The following DAB1 variants were observed in gnomAD, a reference collection of about 807,000 sequenced individuals.
The protein encoded by DAB1 is disabled homolog 1.
DAB1 carries 15 observed loss-of-function variants against 64.6 expected under a neutral mutation model. That is an observed-to-expected ratio of 0.23 (90% CI 0.16 to 0.36). The LOEUF (loss-of-function observed/expected upper bound fraction) is 0.36. Among genes scored for constraint, DAB1 ranks in the 10% least tolerant of loss-of-function variants. DAB1 has a pLI of 1.00. For missense variants in DAB1, 596 were observed against 706.7 expected, an observed-to-expected ratio of 0.84 and a Z score of 1.78; for synonymous variants, 235 against 251.9, an observed-to-expected ratio of 0.93 and a Z score of 0.64.
At chr1:57,838,403 G>C (rs1174588068) in intron 1 of DAB1, among the ~76,000 whole-genome samples, 1 of 151,896 alleles carries the variant, frequency 6.6e-6, no homozygotes, top group Non-Finnish European at 1.5e-5. Context: ...TTCATCTTGA[G>C]TTTTAAAAAA....
chr1:57,849,222 G>C (rs1653417228), intron 1 of DAB1, among the ~76,000 whole-genome samples: 1 of 152,152 alleles, frequency 6.6e-6, no homozygotes, highest in Non-Finnish European at 1.5e-5. Context: ...AGAAGGGCCA[G>C]AGTAGCACTG....
In DAB1 at chr1:57,987,779, T is replaced by A. The variant is rs531761552; in HGVS notation, n.388-103617A>T. Among the ~76,000 whole-genome samples, 22 of 151,860 alleles carry A rather than the reference T, an allele frequency of 1.4e-4. No homozygotes were observed. In the South Asian group the frequency reaches 3.1e-3, roughly 22 times the overall value. On this transcript the variant is annotated intron_variant and non_coding_transcript_variant, in intron 5 of 20. Transcript: ENST00000485760. Reference sequence around the variant, plus strand: ...AAGTTTTAATTTGCTGGTGAAGGAGTTGGGGGAGGGAATGGAGAGTGCTGT... The same window carrying A: ...AAGTTTTAATTTGCTGGTGAAGGAGATGGGGGAGGGAATGGAGAGTGCTGT...
At chr1:58,380,310 T>G (rs1013832721) in intron 3 of DAB1, among the ~76,000 whole-genome samples, 1 of 152,008 alleles carries the variant, frequency 6.6e-6, no homozygotes, top group African/African-American at 2.4e-5. Flanking sequence ...TCCCCAGTGC[T>G]CTCTCTCTCT....
At chr1:58,395,033 C>T (rs902602200) in intron 3 of DAB1, among the ~76,000 whole-genome samples, 4 of 151,752 alleles carry the variant, frequency 2.6e-5, no homozygotes, top group African/African-American at 7.3e-5. Context: ...GGAAAGCCTC[C>T]GACAGTCTAG....
chr1:58,022,446 C>A (rs895905643), intron 5 of DAB1, among the ~76,000 whole-genome samples: 1 of 152,106 alleles, frequency 6.6e-6, no homozygotes, highest in African/African-American at 2.4e-5. Context: ...GCAGAGTAGA[C>A]CTGAGTTTGA....
chr1:57,096,963 T>C lies in DAB1; in HGVS notation c.307-24549A>G, dbSNP rs1654223262. On this transcript the variant is annotated intron_variant, in intron 4 of 14. Coordinates refer to ENST00000371236, the MANE Select transcript of DAB1 (RefSeq NM_001365792.1). ...TGATCACAGCCCTTGCCCCATGGGA[T>C]TGTAATTATGGATTTTTCTTGTCTG... Among the ~76,000 whole-genome samples the C allele has an allele frequency of 2.0e-5, 3 of 152,054 alleles. No homozygotes were observed. In the South Asian group the frequency reaches 6.2e-4, roughly 32 times the overall value.
chr1:57,294,563 C>T (rs1673040433), intron 1 of DAB1, among the ~76,000 whole-genome samples: 1 of 152,006 alleles, frequency 6.6e-6, no homozygotes, highest in South Asian at 2.1e-4. Flanking sequence ...CTTTCTTTCC[C>T]CCTTTTCTCA....
chr1:58,207,985 G>A (rs545334279), intron 4 of DAB1, among the ~76,000 whole-genome samples: 1 of 152,244 alleles, frequency 6.6e-6, no homozygotes, highest in Non-Finnish European at 1.5e-5. Context: ...TGGTGGAAGG[G>A]GAAGTGAACA....
intron 3 of DAB1, among the ~76,000 whole-genome samples, chr1:58,359,682 A>AGATGATAGCAAGGGGTGAGAGT (rs145013673): frequency 0.83 from 124,409 of 150,400 alleles, 52,251 homozygotes; most frequent in East Asian, 1. Flanking sequence ...TGATAGGTAG[A>AGATGATAGCAAGGGGTGAGAGT]GATGATAGCA....
intron 6 of DAB1, among the ~76,000 whole-genome samples, chr1:57,669,983 G>T (rs1297349733): frequency 3.3e-5 from 5 of 152,004 alleles, no homozygotes; most frequent in Admixed American, 3.3e-4. Flanking sequence ...CAAATATAAC[G>T]ATATTGGTAC....
chr1:57,251,675 GA>G (rs1372746442), intron 2 of DAB1, among the ~76,000 whole-genome samples: 5 of 150,984 alleles, frequency 3.3e-5, no homozygotes, highest in Non-Finnish European at 5.9e-5. Flanking sequence ...AGAAAGCAAA[GA>G]AAAAAAAATC....
chr1:57,603,617 G>T (rs1338760605), intron 7 of DAB1, among the ~76,000 whole-genome samples: 1 of 152,164 alleles, frequency 6.6e-6, no homozygotes, highest in African/African-American at 2.4e-5. Flanking sequence ...CCTTTAATTG[G>T]GCAAATTTAT....
chr1:58,288,915 C>G (rs979309762), intron 4 of DAB1, among the ~76,000 whole-genome samples: 3 of 152,170 alleles, frequency 2.0e-5, no homozygotes, highest in Non-Finnish European at 2.9e-5. Flanking sequence ...CTTATGTAGC[C>G]TTAGTTCAGC....
At chr1:58,288,857 C>A (rs942593229) in intron 4 of DAB1, among the ~76,000 whole-genome samples, 1 of 152,158 alleles carries the variant, frequency 6.6e-6, no homozygotes, top group African/African-American at 2.4e-5. Context: ...AAGGGGAAAT[C>A]TTTATGTGTG....
At chr1:57,343,552 G>T (rs1317760816) in intron 1 of DAB1, among the ~76,000 whole-genome samples, 2 of 152,234 alleles carry the variant, frequency 1.3e-5, no homozygotes, top group African/African-American at 4.8e-5. Flanking sequence ...GGAGGTCGGG[G>T]GAGGCTCAGG....
In DAB1 at chr1:57,281,396, C is replaced by T. The variant is rs976943853; in HGVS notation, c.67+9568G>A. Among the ~76,000 whole-genome samples the T allele has an allele frequency of 3.9e-5, 6 of 152,034 alleles. No individual in the cohort carries two copies. In the South Asian group the frequency reaches 6.2e-4, roughly 16 times the overall value. ...CATGGAGTTAGCTTTGAAACAAATACAGAAAAAATGTATTCCCAGGAGAAG... is the reference window on the plus strand; with the variant it reads ...CATGGAGTTAGCTTTGAAACAAATATAGAAAAAATGTATTCCCAGGAGAAG... On this transcript the variant is annotated intron_variant, in intron 2 of 14. Coordinates refer to ENST00000371236, the MANE Select transcript of DAB1 (RefSeq NM_001365792.1).
chr1:57,033,193 C>CACAT (rs201766146), intron 9 of DAB1, among the ~76,000 whole-genome samples: 13 of 151,788 alleles, frequency 8.6e-5, no homozygotes, highest in South Asian at 4.2e-4. Flanking sequence ...CACACACACA[C>CACAT]GTGTACATAC....
At chr1:58,535,080 T>C (rs1646495504) in intron 1 of DAB1, among the ~76,000 whole-genome samples, 1 of 152,178 alleles carries the variant, frequency 6.6e-6, no homozygotes, top group South Asian at 2.1e-4. Flanking sequence ...AATAGACATT[T>C]CATTAATTTT....
intron 6 of DAB1, among the ~76,000 whole-genome samples, chr1:57,697,091 C>T (rs1375941628): frequency 6.6e-6 from 1 of 152,096 alleles, no homozygotes; most frequent in Non-Finnish European, 1.5e-5. Context: ...ATGCAATTAT[C>T]TTGTAATGAG....
Sources: allele counts gnomAD v4.1 joint callset (sites outside exome capture counted in the v4.1 genomes callset), GRCh38; gene constraint gnomAD v4.1.1; transcripts MANE v1.5; gene names NCBI Gene and HGNC (gene_info 2026-07-23, HGNC 2026-07-21).